ZNF420: variants seen among roughly 807,000 people sequenced by gnomAD.
ZNF420 encodes the protein zinc finger protein 420.
A neutral mutation model predicts 44.7 loss-of-function variants in ZNF420; 31 were observed. The observed-to-expected ratio is 0.69, with a 90% CI of 0.52 to 0.94. The LOEUF is 0.94. Among genes scored for constraint, ZNF420 ranks in the 40% least tolerant of loss-of-function variants. The pLI is 0.00. For missense variants in ZNF420, 681 were observed against 827.9 expected (o/e 0.82, Z 2.18); for synonymous variants, 245 against 267.4 (o/e 0.92, Z 0.82).
At chr19:37,120,514 A>G (rs1009566593) in intron 4 of ZNF420, among the ~76,000 whole-genome samples, 2 of 152,192 alleles carry the variant, frequency 1.3e-5, no homozygotes, top group Admixed American at 6.5e-5. Context: ...CACAGCCAAT[A>G]TCATACTGAA....
chr19:37,100,926 T>TTTAA (rs1258461438), intron 4 of ZNF420, among the ~76,000 whole-genome samples: 5 of 152,170 alleles, frequency 3.3e-5, no homozygotes, highest in African/African-American at 1.2e-4. Flanking sequence ...TAGTTTCCTC[T>TTTAA]TTAATTTCTT....
At chr19:37,049,533 C>T (rs1967601084) in intron 1 of ZNF420, among the ~76,000 whole-genome samples, 1 of 152,196 alleles carries the variant, frequency 6.6e-6, no homozygotes, top group Non-Finnish European at 1.5e-5. Context: ...AGTGTCTGTT[C>T]ATATCCTTCA....
At chr19:37,111,274 T>G (rs775446559) in intron 4 of ZNF420, among the ~76,000 whole-genome samples, 15 of 152,352 alleles carry the variant, frequency 9.8e-5, no homozygotes, top group Non-Finnish European at 1.9e-4. Context: ...TTGTTGCCTC[T>G]CGGGTTAATA....
intron 1 of ZNF420, among the ~76,000 whole-genome samples, chr19:37,028,973 CAAGA>C (rs1203360886): frequency 1.3e-5 from 2 of 152,124 alleles, no homozygotes; most frequent in East Asian, 3.8e-4. Flanking sequence ...GGAGTTCTTT[CAAGA>C]TATGATGAAA....
chr19:37,053,682 G>T (rs1367235082), intron 1 of ZNF420, among the ~76,000 whole-genome samples: 2 of 152,186 alleles, frequency 1.3e-5, no homozygotes, highest in Non-Finnish European at 2.9e-5. Context: ...GCGGATATTG[G>T]TGAGCAGCAG....
chr19:37,043,005 C>A (rs534473516), intron 1 of ZNF420, among the ~76,000 whole-genome samples: 4 of 152,266 alleles, frequency 2.6e-5, no homozygotes, highest in Admixed American at 6.5e-5. Flanking sequence ...GCAGTCAGAA[C>A]ACATACAATT....
chr19:37,027,001 T>C (rs539239991), intron 1 of ZNF420, among the ~76,000 whole-genome samples: 1 of 152,220 alleles, frequency 6.6e-6, no homozygotes, highest in Non-Finnish European at 1.5e-5. Flanking sequence ...ATGCAATGAC[T>C]TCAGATTAGG....
intron 1 of ZNF420, among the ~76,000 whole-genome samples, chr19:37,010,260 C>T (rs1339891567): frequency 7.2e-5 from 11 of 152,146 alleles, no homozygotes; most frequent in Non-Finnish European, 1.5e-5. Context: ...TCGCGGAGGG[C>T]GGACCAGCAT....
At chr19:37,109,718 C>A (rs1243163950) in intron 4 of ZNF420, 1 of 152,220 alleles carries the variant, frequency 6.6e-6, no homozygotes, top group African/African-American at 2.4e-5. Flanking sequence ...ACAAGCAAAA[C>A]CTCTCCTCCA....
intron 1 of ZNF420, among the ~76,000 whole-genome samples, chr19:37,051,289 G>A (rs1967634515): frequency 6.6e-6 from 1 of 152,178 alleles, no homozygotes; most frequent in Admixed American, 6.5e-5. Flanking sequence ...AGTTTCAGAA[G>A]GAATGGTACC....
chr19:37,011,186 C>T (rs939569371), intron 1 of ZNF420, among the ~76,000 whole-genome samples: 2 of 152,186 alleles, frequency 1.3e-5, no homozygotes, highest in Non-Finnish European at 2.9e-5. Flanking sequence ...ACTTCCCAGT[C>T]CAACAGGGAG....
intron 1 of ZNF420, among the ~76,000 whole-genome samples, chr19:37,071,484 G>A (rs1217440950): frequency 1.3e-5 from 2 of 152,192 alleles, no homozygotes; most frequent in African/African-American, 4.8e-5. Context: ...TAGATGTCTA[G>A]GAGTCTTCAA....
chr19:37,082,417 G>A (rs528245063), intron 2 of ZNF420, among the ~76,000 whole-genome samples: 8 of 152,144 alleles, frequency 5.3e-5, no homozygotes, highest in South Asian at 4.2e-4. Flanking sequence ...TGCCTGCCTC[G>A]GCCTCCCAAA....
chr19:37,128,790 C>G lies in ZNF420; in HGVS notation c.1799C>G (p.Ser600Cys). 1 of 1,613,798 alleles carries G rather than the reference C, an allele frequency of 6.2e-7. No individual in the cohort carries two copies. Among genetic ancestry groups the G allele is most frequent in the Non-Finnish European group, 8.5e-7 (1 of 1,179,924 alleles). ...KECGKAFSHG[S>C]QLTLHQRIHT... is the part of the protein sequence containing the mutation. ...TGTGGCAAGGCCTTTAGTCATGGCT[C>G]TCAGCTTACTCTACATCAGAGAATC... Residue 600 changes from serine (S) to cysteine (C), a missense_variant, in exon 5 of 5, where the codon TCT (serine) becomes TGT (cysteine). Ser to Cys is a moderately radical substitution (Grantham distance 112). Transcript: ENST00000337995.
At chr19:37,067,677 T>C (rs1394294911) in intron 1 of ZNF420, among the ~76,000 whole-genome samples, 1 of 152,138 alleles carries the variant, frequency 6.6e-6, no homozygotes, top group Admixed American at 6.5e-5. Flanking sequence ...TTTTCAACAA[T>C]AGATCCTCAC....
At chr19:37,024,169 A>C (rs113481945) in intron 1 of ZNF420, among the ~76,000 whole-genome samples, 2,000 of 152,200 alleles carry the variant, frequency 0.013, 48 homozygotes, top group African/African-American at 0.045. Context: ...TTTCCACCGA[A>C]TGCCCATCGG....
At chr19:37,009,439 C>G (rs780329105) in intron 1 of ZNF420, among the ~76,000 whole-genome samples, 9 of 152,188 alleles carry the variant, frequency 5.9e-5, no homozygotes, top group Non-Finnish European at 1.0e-4. Context: ...GGGCACATGC[C>G]TGGACACCAG....
intron 1 of ZNF420, among the ~76,000 whole-genome samples, chr19:37,056,117 T>G (rs1277490908): frequency 6.6e-6 from 1 of 151,744 alleles, no homozygotes; most frequent in Non-Finnish European, 1.5e-5. Flanking sequence ...TTTCTCTTTC[T>G]GTGTGGCAGG....
intron 4 of ZNF420, among the ~76,000 whole-genome samples, chr19:37,093,795 A>G (rs1265876610): frequency 6.6e-6 from 1 of 152,184 alleles, no homozygotes; most frequent in Non-Finnish European, 1.5e-5. Context: ...GTTACTGGTT[A>G]CCCAGCACTG....
Sources: allele counts gnomAD v4.1 joint callset (sites outside exome capture counted in the v4.1 genomes callset), GRCh38; gene constraint gnomAD v4.1.1; transcripts MANE v1.5; gene names NCBI Gene and HGNC (gene_info 2026-07-23, HGNC 2026-07-21).